The following FNBP1 variants were observed in gnomAD, a reference collection of about 807,000 sequenced individuals.
The protein encoded by FNBP1 is formin-binding protein 1.
Under a neutral mutation model 90.6 loss-of-function variants are expected in FNBP1, and 26 were observed. That is an observed-to-expected ratio of 0.29 (90% CI 0.21 to 0.40). The LOEUF is 0.40. Ranked by LOEUF, FNBP1 falls within the 10% of genes least tolerant of loss-of-function variation. FNBP1 has a pLI of 1.00. For missense variants in FNBP1, 635 were observed against 768.0 expected (o/e 0.83, Z 2.05); for synonymous variants, 260 against 265.2 (o/e 0.98, Z 0.19).
At chr9:130,021,928 C>T (rs540449563) in intron 1 of FNBP1, among the ~76,000 whole-genome samples, 3 of 152,268 alleles carry the variant, frequency 2.0e-5, no homozygotes, top group African/African-American at 7.2e-5. Context: ...GTGGTGCTAT[C>T]TTGGCTCACT....
intron 6 of FNBP1, among the ~76,000 whole-genome samples, chr9:129,946,662 T>C (rs2045336377): frequency 6.6e-6 from 1 of 152,216 alleles, no homozygotes; most frequent in South Asian, 2.1e-4. Context: ...AGGAAGAAAT[T>C]GTTACTGGCG....
Position 129,931,370 on chromosome 9 carries a change from G to A in FNBP1, c.514-1675C>T, listed in dbSNP as rs538767089. On this transcript the variant is annotated intron_variant, in intron 6 of 16. Coordinates refer to ENST00000446176, the MANE Select transcript of FNBP1 (RefSeq NM_015033.3). ...TGTAATCCTAACACTTTGGGAGGCT[G>A]AGGTGGGCAGATCACAAGATCAGGA... Among the ~76,000 whole-genome samples, 39 of 152,160 alleles carry A rather than the reference G, an allele frequency of 2.6e-4. 2 individuals carry two copies. In the South Asian group the frequency reaches 8.1e-3, roughly 32 times the overall value.
At chr9:129,955,321 C>T (rs1050886767) in intron 6 of FNBP1, among the ~76,000 whole-genome samples, 4 of 151,734 alleles carry the variant, frequency 2.6e-5, no homozygotes, top group South Asian at 2.1e-4. Context: ...GCAAACTCTG[C>T]CTCCCAGGAC....
chr9:129,971,456 T>C (rs1297447023), intron 4 of FNBP1, among the ~76,000 whole-genome samples: 1 of 152,104 alleles, frequency 6.6e-6, no homozygotes, highest in East Asian at 1.9e-4. Context: ...AGTGGTGCGA[T>C]CTCAGCTCAC....
chr9:129,956,093 C>T (rs757315654), intron 6 of FNBP1, among the ~76,000 whole-genome samples: 5 of 152,132 alleles, frequency 3.3e-5, no homozygotes, highest in Non-Finnish European at 7.3e-5. Flanking sequence ...GTCTGGACTC[C>T]TGGGCTCAAG....
At position 129,902,852 on chromosome 9, in the gene FNBP1, C is replaced by G; in HGVS notation, c.1428+17G>C. ...TCTTCGTTTCCAACAAAGCTTTCCA[C>G]AACAGAAGTTTCATACCTCAAATTT... On this transcript the variant is annotated intron_variant, in intron 13 of 16. Coordinates refer to ENST00000446176, the MANE Select transcript of FNBP1 (RefSeq NM_015033.3). 6.2e-7 allele frequency: 1 copy of G among 1,612,584 alleles called. No individual in the cohort carries two copies. The highest frequency in any genetic ancestry group is 1.3e-5 in the African/African-American group (1 of 74,962).
chr9:130,050,937 G>A, the FNBP1 span, among the ~76,000 whole-genome samples: 1 of 146,350 alleles, frequency 6.8e-6, no homozygotes, highest in African/African-American at 2.5e-5. Context: ...ATCTCGCTCT[G>A]TCACACAGGC....
In FNBP1 at chr9:129,940,142, A is replaced by G. The variant is rs144190835; in HGVS notation, c.514-10447T>C. The stretch of plus-strand genomic sequence containing the variant: ...CTTGAGCCCGGGAGTTCGAGGCTAT[A>G]GTGAGCTATGATTGTCCCACTGTAC... On this transcript the variant is annotated intron_variant, in intron 6 of 16. Transcript: ENST00000446176. 3.5e-4 allele frequency among the ~76,000 whole-genome samples: 53 copies of G among 152,240 alleles called. No homozygotes were observed. In the East Asian group the frequency reaches 0.01, roughly 29 times the overall value.
chr9:130,014,847 T>C (rs1269032918), intron 1 of FNBP1, among the ~76,000 whole-genome samples: 1 of 152,052 alleles, frequency 6.6e-6, no homozygotes, highest in Non-Finnish European at 1.5e-5. Flanking sequence ...TTTTCCTTGA[T>C]TGATGTTCCT....
rs1308172138 is a variant in FNBP1 at position 129,890,435 on chromosome 9, C to T, written c.*104G>A. Reference sequence around the variant, plus strand: ...AGACCGCCCCGCAGGGATGGGGCTGCGGAGGGGTGGGCTGTCCACAGGGCA... The same window carrying T: ...AGACCGCCCCGCAGGGATGGGGCTGTGGAGGGGTGGGCTGTCCACAGGGCA... On this transcript the variant is annotated 3_prime_UTR_variant, in exon 17 of 17. Coordinates refer to ENST00000446176, the MANE Select transcript of FNBP1 (RefSeq NM_015033.3). This position sits in a 1 kb window ranked among gnomAD's most constrained non-coding sequence, Gnocchi z 5.8. 6 of 910,586 alleles carry T rather than the reference C, an allele frequency of 6.6e-6. No homozygotes were observed. The highest frequency in any genetic ancestry group is 1.4e-5 in the South Asian group (1 of 70,490). The allele number at this position is 910,586 out of a possible 1,614,324, so 56.4% of individuals were successfully genotyped here.
At chr9:129,903,951 C>T (rs1402023528) in intron 12 of FNBP1, among the ~76,000 whole-genome samples, 3 of 152,168 alleles carry the variant, frequency 2.0e-5, no homozygotes, top group African/African-American at 7.2e-5. Context: ...GCAGGAGAAT[C>T]ACTTGAACCC....
chr9:130,024,983 C>A (rs1215071693), intron 1 of FNBP1, among the ~76,000 whole-genome samples: 1 of 152,036 alleles, frequency 6.6e-6, no homozygotes, highest in Non-Finnish European at 1.5e-5. Context: ...AGTTTGAGAC[C>A]AGCCTGGCCA....
At chr9:129,952,412 C>T (rs560549770) in intron 6 of FNBP1, among the ~76,000 whole-genome samples, 4 of 151,578 alleles carry the variant, frequency 2.6e-5, no homozygotes, top group East Asian at 1.9e-4. Flanking sequence ...GCAGGGGAAT[C>T]GCTTGAACCT....
intron 10 of FNBP1, among the ~76,000 whole-genome samples, chr9:129,921,556 C>T (rs1041723145): frequency 4.6e-5 from 7 of 151,578 alleles, no homozygotes; most frequent in African/African-American, 7.3e-5. Context: ...TGTAATTAGC[C>T]GGACATTAAC....
At chr9:130,000,079 G>A (rs1435854476) in intron 1 of FNBP1, among the ~76,000 whole-genome samples, 1 of 152,174 alleles carries the variant, frequency 6.6e-6, no homozygotes, top group African/African-American at 2.4e-5. Flanking sequence ...TATGAAATCT[G>A]AAACCATAGA....
intron 2 of FNBP1, among the ~76,000 whole-genome samples, chr9:129,992,951 G>T (rs1340108497): frequency 6.7e-6 from 1 of 150,308 alleles, no homozygotes; most frequent in Non-Finnish European, 1.5e-5. Flanking sequence ...AAAGGGCTGG[G>T]CACGGTGGCT....
Position 129,919,192 on chromosome 9 carries a change from T to A in FNBP1, c.1171-3212A>T, listed in dbSNP as rs1008790363. The A allele has an allele frequency of 3.1e-6, 4 of 1,303,508 alleles. No homozygotes were observed. The African/African-American group carries it at 6.0e-5, about 20-fold the overall frequency. 80.7% of individuals were successfully genotyped at this position (1,303,508 alleles called of 1,614,324 possible). A position where few individuals can be genotyped will look rare whatever the true frequency, so the allele number is the denominator to read the frequency against. ...CCCTAGCCTCAAAGGCATACGTGGGTTTCCCTATCGTCCTCTTCATGAGTT... is the reference window on the plus strand; with the variant it reads ...CCCTAGCCTCAAAGGCATACGTGGGATTCCCTATCGTCCTCTTCATGAGTT... On this transcript the variant is annotated intron_variant, in intron 10 of 16. Coordinates refer to ENST00000446176, the MANE Select transcript of FNBP1 (RefSeq NM_015033.3).
At chr9:129,922,705 C>G (rs1014829303) in intron 10 of FNBP1, among the ~76,000 whole-genome samples, 3 of 152,150 alleles carry the variant, frequency 2.0e-5, no homozygotes, top group African/African-American at 7.2e-5. Context: ...TATAATCTCA[C>G]TAAAATAGCG....
At chr9:129,959,504 GCTTGAAC>G (rs2047469961) in intron 4 of FNBP1, among the ~76,000 whole-genome samples, 1 of 151,916 alleles carries the variant, frequency 6.6e-6, no homozygotes, top group Non-Finnish European at 1.5e-5. Context: ...CAGGAGAATT[GCTTGAAC>G]CTGGGAGGCA....
Sources: allele counts gnomAD v4.1 joint callset (sites outside exome capture counted in the v4.1 genomes callset), GRCh38; gene constraint gnomAD v4.1.1; non-coding constraint Gnocchi (gnomAD v3.1); transcripts MANE v1.5; gene names NCBI Gene and HGNC (gene_info 2026-07-23, HGNC 2026-07-21).